Variants in GLI2 observed in about 807,000 individuals in gnomAD.
The protein encoded by GLI2 is GLI family zinc finger 2.
In GLI2, 22 loss-of-function variants were observed where a neutral mutation model predicts 78.9. The ratio of observed to expected loss-of-function variants is 0.28; its 90% CI spans 0.20 to 0.40. The LOEUF is 0.40. GLI2 is among the 10% of genes least tolerant of loss of function. The probability of loss-of-function intolerance (pLI) is 1.00; values close to 1 mark genes in which losing one functional copy is unlikely to be tolerated. For missense variants in GLI2, 2,097 were observed against 2,213.2 expected, an observed-to-expected ratio of 0.95 and a Z score of 1.05; for synonymous variants, 974 against 963.7, an observed-to-expected ratio of 1.01 and a Z score of -0.20.
intron 1 of GLI2, chr2:120,792,505 C>G (rs77151317): frequency 2.6e-5 from 4 of 152,356 alleles, no homozygotes; most frequent in African/African-American, 9.6e-5. Flanking sequence ...GGCATAGCTG[C>G]GACTCATGCC....
At chr2:120,890,681 G>A (rs1677636856) in intron 2 of GLI2, among the ~76,000 whole-genome samples, 1 of 152,126 alleles carries the variant, frequency 6.6e-6, no homozygotes, top group Non-Finnish European at 1.5e-5. Context: ...TCAAATTAGC[G>A]AAAAATAAAC....
At chr2:120,808,913 C>T (rs965357869) in intron 2 of GLI2, among the ~76,000 whole-genome samples, 3 of 152,140 alleles carry the variant, frequency 2.0e-5, no homozygotes, top group Non-Finnish European at 2.9e-5. Flanking sequence ...TGTGGAGCTT[C>T]CCAGCTGCCC....
intron 2 of GLI2, among the ~76,000 whole-genome samples, chr2:120,907,088 C>CATCAAACA (rs2104800597): frequency 6.6e-6 from 1 of 152,318 alleles, no homozygotes; most frequent in East Asian, 1.9e-4. Flanking sequence ...GACTTGTGCC[C>CATCAAACA]AGCGTCATTA....
At chr2:120,758,350 G>T (rs1683099613) in intron 1 of GLI2, among the ~76,000 whole-genome samples, 1 of 152,252 alleles carries the variant, frequency 6.6e-6, no homozygotes, top group East Asian at 1.9e-4. Context: ...GCCAGCAAAG[G>T]CACTCTTCCA....
At chr2:120,908,265 T>G (rs1678644145) in intron 2 of GLI2, among the ~76,000 whole-genome samples, 1 of 152,124 alleles carries the variant, frequency 6.6e-6, no homozygotes, top group African/African-American at 2.4e-5. Flanking sequence ...GGCTGGCCAT[T>G]GGGGAAGGTG....
At chr2:120,910,099 G>C (rs1293472162) in intron 2 of GLI2, among the ~76,000 whole-genome samples, 1 of 152,166 alleles carries the variant, frequency 6.6e-6, no homozygotes. Context: ...GTTTTCCTGT[G>C]CTGTGGTTTC....
intron 2 of GLI2, among the ~76,000 whole-genome samples, chr2:120,812,024 C>T (rs548691972): frequency 1.4e-4 from 21 of 152,264 alleles, no homozygotes; most frequent in South Asian, 8.3e-4. Context: ...AATGACTGTG[C>T]GGAACAGGAT....
chr2:120,842,020 T>C (rs1217759788), intron 2 of GLI2, among the ~76,000 whole-genome samples: 7 of 144,160 alleles, frequency 4.9e-5, no homozygotes, highest in African/African-American at 1.8e-4. Flanking sequence ...TACAGTAATT[T>C]ACATGATTCA....
intron 2 of GLI2, among the ~76,000 whole-genome samples, chr2:120,915,641 C>T (rs1363282302): frequency 3.3e-5 from 5 of 152,126 alleles, no homozygotes; most frequent in South Asian, 4.1e-4. Flanking sequence ...TCCTCATTTG[C>T]GAACGAACAC....
chr2:120,858,240 C>T (rs778125712), intron 2 of GLI2, among the ~76,000 whole-genome samples: 3 of 152,084 alleles, frequency 2.0e-5, no homozygotes, highest in Non-Finnish European at 4.4e-5. Flanking sequence ...TTAAGCTTTC[C>T]GAGTCTCAGT....
chr2:120,900,433 C>A (rs1190612680), intron 2 of GLI2, among the ~76,000 whole-genome samples: 7 of 152,184 alleles, frequency 4.6e-5, no homozygotes, highest in Admixed American at 4.6e-4. Context: ...CCAAAACAGG[C>A]AGTTTCCAAA....
chr2:120,874,936 G>T (rs1030094157), intron 2 of GLI2, among the ~76,000 whole-genome samples: 1 of 152,174 alleles, frequency 6.6e-6, no homozygotes, highest in Admixed American at 6.5e-5. Context: ...ATACGACTTG[G>T]GGGTGTCAAG....
chr2:120,939,111 G>T (rs112158520), intron 3 of GLI2, among the ~76,000 whole-genome samples: 6,767 of 152,082 alleles, frequency 0.044, 177 homozygotes, highest in Middle Eastern at 0.078. Context: ...GCGAAACCCC[G>T]TCTCTACTAA....
At chr2:120,938,592 C>A (rs992208199) in intron 3 of GLI2, among the ~76,000 whole-genome samples, 1 of 152,254 alleles carries the variant, frequency 6.6e-6, no homozygotes, top group South Asian at 2.1e-4. Context: ...TTTATTACAG[C>A]TCTGCATAGG....
rs147832954 is a variant in GLI2 at position 120,807,264 on chromosome 2, G to A, written c.148+9796G>A. ...TTGAACCCTTGCCCTGCCCCTTCTCGGTTGGGTATCCTGTGCTGATCCGAA... is the reference window on the plus strand; with the variant it reads ...TTGAACCCTTGCCCTGCCCCTTCTCAGTTGGGTATCCTGTGCTGATCCGAA... On this transcript the variant is annotated intron_variant, in intron 2 of 13. Transcript: ENST00000361492. 2.3e-3 allele frequency among the ~76,000 whole-genome samples: 343 copies of A among 152,224 alleles called. 1 individual carries two copies. The highest frequency in any genetic ancestry group is 7.8e-3 in the African/African-American group (322 of 41,524).
rs748956852 is a variant in GLI2, at chr2:120,970,353, G to A, written c.846-40G>A. On this transcript the variant is annotated intron_variant, in intron 6 of 13. Coordinates refer to ENST00000361492, the MANE Select transcript of GLI2 (RefSeq NM_001374353.1). ...GAAGTGTCAGCCTAAGAGAGCTCCC[G>A]ATCCCCCACCCCCACTTCCTTGTCT... 43 of 1,079,376 alleles carry A rather than the reference G, an allele frequency of 4.0e-5. 1 individual carries two copies. The highest frequency in any genetic ancestry group is 9.2e-5 in the African/African-American group (6 of 64,876). The allele number at this position is 1,079,376 out of a possible 1,614,324, so 66.9% of individuals were successfully genotyped here. A position where few individuals can be genotyped will look rare whatever the true frequency, so the allele number is the denominator to read the frequency against.
At chr2:120,971,785 G>A (rs1043028028) in intron 7 of GLI2, among the ~76,000 whole-genome samples, 156 bp from the exon 8 acceptor site, 8 of 152,170 alleles carry the variant, frequency 5.3e-5, no homozygotes, top group Admixed American at 2.0e-4. Flanking sequence ...ATGTGCCCCT[G>A]GCAGGACTGA....
At chr2:120,824,617 G>A (rs1268559682) in intron 2 of GLI2, among the ~76,000 whole-genome samples, 1 of 152,212 alleles carries the variant, frequency 6.6e-6, no homozygotes, top group African/African-American at 2.4e-5. Context: ...GTCTACACCA[G>A]CACCTGTCAA....
In GLI2 at chr2:120,970,467, G is replaced by T; in HGVS notation, c.920G>T (p.Gly307Val). The change falls in exon 7 of 14, where the codon GGG (glycine) becomes GTG (valine). Residue 307 changes from glycine to valine, a missense_variant. Around this residue, in one of 5 missense-constraint regions of GLI2, gnomAD observed 578 missense variants for 612.0 expected, o/e 0.94. Coordinates refer to ENST00000361492, the MANE Select transcript of GLI2 (RefSeq NM_001374353.1). Reference protein sequence around the residue: ...QQILSQQRGLGSAFGHTPPLI... With the variant: ...QQILSQQRGLVSAFGHTPPLI... ...ATTCTGAGCCAGCAGAGGGGTCTGG[G>T]GTCAGCCTTTGGACACACACCACCC... The T allele has an allele frequency of 6.2e-7, 1 of 1,613,946 alleles. No homozygotes were observed. Among genetic ancestry groups the T allele is most frequent in the East Asian group, 2.2e-5 (1 of 44,862 alleles).
Sources: allele counts gnomAD v4.1 joint callset (sites outside exome capture counted in the v4.1 genomes callset), GRCh38; gene constraint gnomAD v4.1.1; regional missense constraint gnomAD v4.1.1; transcripts MANE v1.5; gene names NCBI Gene and HGNC (gene_info 2026-07-23, HGNC 2026-07-21).